The following PRKAG2 variants were observed in gnomAD, a reference collection of about 807,000 sequenced individuals.
PRKAG2 encodes protein kinase AMP-activated non-catalytic subunit gamma 2.
Under a neutral mutation model 69.6 loss-of-function variants are expected in PRKAG2, and 26 were observed. That is an observed-to-expected ratio of 0.37 (90% CI 0.27 to 0.52). The LOEUF (loss-of-function observed/expected upper bound fraction) is 0.52. Ranked by LOEUF, PRKAG2 falls within the 20% of genes least tolerant of loss-of-function variation. The probability of loss-of-function intolerance (pLI) is 0.90; values close to 1 mark genes in which losing one functional copy is unlikely to be tolerated. For missense variants in PRKAG2, 557 were observed against 740.0 expected, an observed-to-expected ratio of 0.75 and a Z score of 2.87; for synonymous variants, 293 against 285.0, an observed-to-expected ratio of 1.03 and a Z score of -0.28.
chr7:151,818,607 C>A (rs1240350278), intron 1 of PRKAG2, among the ~76,000 whole-genome samples: 1 of 152,258 alleles, frequency 6.6e-6, no homozygotes, highest in Non-Finnish European at 1.5e-5. Flanking sequence ...AGCCCATATT[C>A]TACCCCCCTT....
chr7:151,713,586 ATTTT>A (rs200647217), intron 3 of PRKAG2, among the ~76,000 whole-genome samples: 1 of 142,092 alleles, frequency 7.0e-6, no homozygotes. Context: ...TGCTTTTTTA[ATTTT>A]TTTTTTTTTT....
At chr7:151,599,387 C>T (rs1165045109) in intron 5 of PRKAG2, among the ~76,000 whole-genome samples, 3 of 152,080 alleles carry the variant, frequency 2.0e-5, no homozygotes, top group Non-Finnish European at 2.9e-5. Context: ...AACTTCCTCA[C>T]CAATCCTTCT....
intron 3 of PRKAG2, among the ~76,000 whole-genome samples, chr7:151,704,468 A>C (rs1838267134): frequency 6.6e-6 from 1 of 152,134 alleles, no homozygotes; most frequent in Admixed American, 6.5e-5. Flanking sequence ...GTTTCTCCAC[A>C]TTGCTGTAGG....
intron 3 of PRKAG2, among the ~76,000 whole-genome samples, chr7:151,715,938 G>A (rs1027234222): frequency 4.6e-5 from 7 of 152,152 alleles, no homozygotes; most frequent in African/African-American, 7.2e-5. Flanking sequence ...AAGGATTTTC[G>A]AGAGGCACTT....
rs967400032 is a variant in PRKAG2, at chr7:151,841,719, T to A, written c.114+34788A>T. 1.8e-4 allele frequency among the ~76,000 whole-genome samples: 22 copies of A among 124,876 alleles called. 1 individual carries two copies. The highest frequency in any genetic ancestry group is 7.2e-4 in the African/African-American group (22 of 30,478). 81.9% of individuals were successfully genotyped at this position (124,876 alleles called of 152,430 possible). A position where few individuals can be genotyped will look rare whatever the true frequency, so the allele number is the denominator to read the frequency against. ...TGATGGTAGGTGGGGATGGTAGTGA[T>A]GGTAGGTAGTGATGATGGTAGTGAT... is the stretch of plus-strand genomic sequence containing the variant. On this transcript the variant is annotated intron_variant, in intron 1 of 15. Coordinates refer to ENST00000287878, the MANE Select transcript of PRKAG2 (RefSeq NM_016203.4).
At chr7:151,581,613 C>T (rs1024058871) in intron 6 of PRKAG2, among the ~76,000 whole-genome samples, 1 of 152,164 alleles carries the variant, frequency 6.6e-6, no homozygotes, top group Non-Finnish European at 1.5e-5. Context: ...ATAAATATTG[C>T]TATTAGCTTA....
At chr7:151,783,532 G>A (rs1382975902) in intron 2 of PRKAG2, among the ~76,000 whole-genome samples, 2 of 151,500 alleles carry the variant, frequency 1.3e-5, no homozygotes, top group African/African-American at 4.9e-5. Context: ...AATATGAAAA[G>A]CATTTAGATT....
At chr7:151,557,526 T>A (rs753054476) in intron 15 of PRKAG2, 2 of 985,140 alleles carry the variant, frequency 2.0e-6, no homozygotes, top group Non-Finnish European at 2.4e-6. Context: ...AGGTATGTTT[T>A]AGTGAAGGTG....
At chr7:151,590,454 G>C (rs1177204480) in intron 6 of PRKAG2, among the ~76,000 whole-genome samples, 1 of 152,246 alleles carries the variant, frequency 6.6e-6, no homozygotes, top group African/African-American at 2.4e-5. Flanking sequence ...GTGGGACCCT[G>C]GCACCGGACA....
chr7:151,596,824 G>C (rs1814659206), intron 5 of PRKAG2, among the ~76,000 whole-genome samples: 1 of 152,114 alleles, frequency 6.6e-6, no homozygotes, highest in Non-Finnish European at 1.5e-5. Flanking sequence ...TGTGTTCATG[G>C]ATTGGAAGAA....
chr7:151,640,370 C>T (rs569099111), intron 4 of PRKAG2, among the ~76,000 whole-genome samples: 14 of 152,180 alleles, frequency 9.2e-5, no homozygotes, highest in South Asian at 2.1e-4. Flanking sequence ...CAGTGGCTCT[C>T]GGCAATCTTT....
At chr7:151,747,459 A>G (rs1345614564) in intron 3 of PRKAG2, among the ~76,000 whole-genome samples, 2 of 152,148 alleles carry the variant, frequency 1.3e-5, no homozygotes, top group African/African-American at 4.8e-5. Context: ...CAGGAGGCTG[A>G]GGCAGGAGAA....
Position 151,814,961 on chromosome 7 carries a change from G to T in PRKAG2, c.115-28420C>A. The stretch of plus-strand genomic sequence containing the variant: ...AGGATGGAGGGAGGCAGGAGCAGAG[G>T]CCGATGATGCAGCAGTGGACAGCTC... On this transcript the variant is annotated intron_variant, in intron 1 of 15. Coordinates refer to ENST00000287878, the MANE Select transcript of PRKAG2 (RefSeq NM_016203.4). This position sits in a 1 kb window ranked among gnomAD's most constrained non-coding sequence, Gnocchi z 4.8. 2.1e-6 allele frequency: 2 copies of T among 940,880 alleles called. No homozygotes were observed. Among genetic ancestry groups the T allele is most frequent in the Non-Finnish European group, 2.8e-6 (2 of 723,310 alleles). 58.3% of individuals were successfully genotyped at this position (940,880 alleles called of 1,614,324 possible).
At chr7:151,597,820 G>GC (rs34809720) in intron 5 of PRKAG2, among the ~76,000 whole-genome samples, 71,009 of 124,444 alleles carry the variant, frequency 0.57, 22,097 homozygotes, top group East Asian at 0.79. Flanking sequence ...ACAAAAGGGA[G>GC]CCCCCCCCCC....
intron 3 of PRKAG2, among the ~76,000 whole-genome samples, chr7:151,748,051 G>C (rs1032241596): frequency 6.6e-6 from 1 of 151,000 alleles, no homozygotes; most frequent in African/African-American, 2.4e-5. Context: ...CTCCCTAGTA[G>C]CTGGTACTAC....
intron 3 of PRKAG2, among the ~76,000 whole-genome samples, chr7:151,676,441 A>G (rs1360338066): frequency 6.6e-6 from 1 of 152,138 alleles, no homozygotes; most frequent in Non-Finnish European, 1.5e-5. Context: ...TTAGATGGTC[A>G]GGAAAAGGGA....
intron 3 of PRKAG2, among the ~76,000 whole-genome samples, chr7:151,765,160 G>GA (rs1264888297): frequency 1.3e-5 from 2 of 152,180 alleles, no homozygotes; most frequent in Non-Finnish European, 2.9e-5. Flanking sequence ...AACTTATGCA[G>GA]AAAAAAAGTT....
intron 1 of PRKAG2, among the ~76,000 whole-genome samples, chr7:151,808,027 C>T (rs1275494131): frequency 6.6e-6 from 1 of 152,148 alleles, no homozygotes; most frequent in Non-Finnish European, 1.5e-5. Flanking sequence ...ACAGGGACCG[C>T]CCCGCAGCAA....
chr7:151,632,368 T>A lies in PRKAG2; in HGVS notation c.685-230A>T. On this transcript the variant is annotated intron_variant, in intron 4 of 15. Coordinates refer to ENST00000287878, the MANE Select transcript of PRKAG2 (RefSeq NM_016203.4). This position sits in a 1 kb window ranked among gnomAD's most constrained non-coding sequence, Gnocchi z 4.2. ...GGCGCGGCCGCGGCCCGCGTGCCCC[T>A]CCGCGAGTGGGACGCGCCGCTCCCC... 2.1e-6 allele frequency: 1 copy of A among 486,676 alleles called. No homozygotes were observed. Among genetic ancestry groups the A allele is most frequent in the Non-Finnish European group, 2.6e-6 (1 of 377,386 alleles). 30.1% of individuals were successfully genotyped at this position (486,676 alleles called of 1,614,324 possible). A position where few individuals can be genotyped will look rare whatever the true frequency, so the allele number is the denominator to read the frequency against.
Sources: gnomAD v4.1 joint callset for allele counts (sites outside exome capture counted in the v4.1 genomes callset) on GRCh38, gnomAD v4.1.1 for gene constraint, Gnocchi (gnomAD v3.1) non-coding constraint, MANE v1.5 for transcripts, NCBI Gene and HGNC (gene_info 2026-07-23, HGNC 2026-07-21) for gene names.